Variants in RBFOX3 observed in about 807,000 individuals in gnomAD.
The protein encoded by RBFOX3 is RNA binding fox-1 homolog 3.
Under a neutral mutation model 48.7 loss-of-function variants are expected in RBFOX3, and 17 were observed. The ratio of observed to expected loss-of-function variants is 0.35; its 90% CI spans 0.24 to 0.52. The LOEUF (loss-of-function observed/expected upper bound fraction) is 0.52, where lower values mean the gene tolerates loss of function less well. Ranked by LOEUF, RBFOX3 falls within the 20% of genes least tolerant of loss-of-function variation. The pLI, the probability that RBFOX3 is intolerant of heterozygous loss-of-function variation, is 0.94. For missense variants in RBFOX3, 382 were observed against 497.5 expected (o/e 0.77, Z 2.21); for synonymous variants, 212 against 209.5 (o/e 1.01, Z -0.10).
Position 79,422,597 on chromosome 17 carries a change from C to A in RBFOX3, c.-175+59857G>T, listed in dbSNP as rs556106271. On this transcript the variant is annotated intron_variant, in intron 2 of 14. Coordinates refer to ENST00000693108, the MANE Select transcript of RBFOX3 (RefSeq NM_001350451.2). ...CTGGGCAAGGCCCAGGGTCCAGCAG[C>A]CTCAGGCTGGGCGGGGCCAGGCTGG... Among the ~76,000 whole-genome samples, 209 of 152,350 alleles carry A rather than the reference C, an allele frequency of 1.4e-3. 3 individuals are homozygous for A. The highest frequency in any genetic ancestry group is 4.8e-3 in the African/African-American group (200 of 41,576).
intron 4 of RBFOX3, among the ~76,000 whole-genome samples, chr17:79,122,423 T>C (rs2035999414): frequency 6.6e-6 from 1 of 152,182 alleles, no homozygotes; most frequent in South Asian, 2.1e-4. Context: ...AGCTGCCACC[T>C]AAGGAATTTG....
Position 79,364,906 on chromosome 17 carries a change from G to A in RBFOX3, c.-174-57082C>T, listed in dbSNP as rs2057502799. 1.3e-5 allele frequency among the ~76,000 whole-genome samples: 2 copies of A among 152,144 alleles called. No homozygotes were observed. Among genetic ancestry groups the A allele is most frequent in the Admixed American group, 1.3e-4 (2 of 15,280 alleles). Reference sequence around the variant, plus strand: ...AGTCAATGTGAGGCTGACTCCTGGTGCCCAGGGAGTGGCTGGGCAGGAGCC... The same window carrying A: ...AGTCAATGTGAGGCTGACTCCTGGTACCCAGGGAGTGGCTGGGCAGGAGCC... On this transcript the variant is annotated intron_variant, in intron 2 of 14. Coordinates refer to ENST00000693108, the MANE Select transcript of RBFOX3 (RefSeq NM_001350451.2). The surrounding 1 kb of genome is among the most constrained non-coding windows in gnomAD (Gnocchi z 5.1).
chr17:79,131,555 T>G (rs770947586), intron 4 of RBFOX3, among the ~76,000 whole-genome samples: 1 of 152,200 alleles, frequency 6.6e-6, no homozygotes, highest in Non-Finnish European at 1.5e-5. Context: ...TCACTCCAAC[T>G]CCAAACCTGG....
intron 2 of RBFOX3, among the ~76,000 whole-genome samples, chr17:79,448,217 G>T (rs979095991): frequency 6.6e-6 from 1 of 152,242 alleles, no homozygotes; most frequent in East Asian, 1.9e-4. Context: ...AGGGGGTGGG[G>T]GTGTGAGAGT....
intron 2 of RBFOX3, among the ~76,000 whole-genome samples, chr17:79,478,105 TC>T (rs1270732479): frequency 1.3e-5 from 2 of 152,168 alleles, no homozygotes; most frequent in Non-Finnish European, 2.9e-5. Flanking sequence ...CCACGCACGT[TC>T]CCACGGCTCA....
At chr17:79,590,514 C>CT (rs1356954137) in intron 1 of RBFOX3, among the ~76,000 whole-genome samples, 19 of 152,064 alleles carry the variant, frequency 1.2e-4, no homozygotes, top group African/African-American at 4.6e-4. Context: ...CCTTGGGTTG[C>CT]TTTTTTATTT....
In RBFOX3 at chr17:79,249,091, G is replaced by A. The variant is rs1005739187; in HGVS notation, c.-73-13286C>T. Among the ~76,000 whole-genome samples, 4 of 152,140 alleles carry A rather than the reference G, an allele frequency of 2.6e-5. No homozygotes were observed. The highest frequency in any genetic ancestry group is 4.4e-5 in the Non-Finnish European group (3 of 68,028). On this transcript the variant is annotated intron_variant, in intron 3 of 14. Coordinates refer to ENST00000693108, the MANE Select transcript of RBFOX3 (RefSeq NM_001350451.2). The surrounding 1 kb of genome is among the most constrained non-coding windows in gnomAD (Gnocchi z 4.1). ...TCCCCTGGGTCGGCAACGCCACCTC[G>A]CTTCCTGCAGCTGACAAAGGACTCC...
At chr17:79,545,394 A>C (rs1369143440) in intron 1 of RBFOX3, among the ~76,000 whole-genome samples, 1 of 152,182 alleles carries the variant, frequency 6.6e-6, no homozygotes, top group Non-Finnish European at 1.5e-5. Flanking sequence ...GAAGAAGAGA[A>C]AACAGCCTGG....
chr17:79,137,852 C>T (rs562090071), intron 4 of RBFOX3, among the ~76,000 whole-genome samples: 1 of 152,192 alleles, frequency 6.6e-6, no homozygotes, highest in Non-Finnish European at 1.5e-5. Flanking sequence ...AAAGCGGGGC[C>T]ATTTCCTCCC....
chr17:79,478,690 A>G (rs2078333149), intron 2 of RBFOX3, among the ~76,000 whole-genome samples: 2 of 152,156 alleles, frequency 1.3e-5, no homozygotes, highest in East Asian at 1.9e-4. Flanking sequence ...GGGTTGGAGG[A>G]GCAGATGACC....
intron 2 of RBFOX3, among the ~76,000 whole-genome samples, chr17:79,474,425 C>G (rs932867575): frequency 6.6e-6 from 1 of 152,182 alleles, no homozygotes; most frequent in Non-Finnish European, 1.5e-5. Context: ...TCCTGGAACA[C>G]GAGGACTAAC....
intron 4 of RBFOX3, among the ~76,000 whole-genome samples, chr17:79,116,888 C>G (rs1011312779): frequency 2.6e-5 from 4 of 152,270 alleles, no homozygotes; most frequent in Admixed American, 6.5e-5. Flanking sequence ...GCATCAGCAG[C>G]ACCTGGGAGC....
At chr17:79,295,463 G>C (rs1048302178) in intron 3 of RBFOX3, among the ~76,000 whole-genome samples, 1 of 152,182 alleles carries the variant, frequency 6.6e-6, no homozygotes, top group Non-Finnish European at 1.5e-5. Context: ...TCCACTTTGG[G>C]TGGGAGCCAG....
intron 4 of RBFOX3, among the ~76,000 whole-genome samples, chr17:79,144,943 G>C (rs2042714177): frequency 6.6e-6 from 1 of 152,226 alleles, no homozygotes; most frequent in South Asian, 2.1e-4. Context: ...GTCCAAAGGA[G>C]ACGAGCGCAC....
chr17:79,144,679 C>T (rs1313775949), intron 4 of RBFOX3, among the ~76,000 whole-genome samples: 1 of 152,194 alleles, frequency 6.6e-6, no homozygotes, highest in Non-Finnish European at 1.5e-5. Context: ...TGCCTATGTC[C>T]CCGAACGCCG....
the RBFOX3 span, among the ~76,000 whole-genome samples, chr17:79,654,884 T>C: frequency 0.028 from 4,300 of 152,306 alleles, 222 homozygotes; most frequent in African/African-American, 0.099. Context: ...AAATGCCTCC[T>C]GGCTGCTTCC....
chr17:79,528,853 C>G (rs1420212821), intron 1 of RBFOX3, among the ~76,000 whole-genome samples: 1 of 152,156 alleles, frequency 6.6e-6, no homozygotes, highest in Non-Finnish European at 1.5e-5. Flanking sequence ...GGGATGACCG[C>G]CCAGCAGCCC....
rs571830363 is a variant in RBFOX3 at position 79,329,124 on chromosome 17, A to G, written c.-174-21300T>C. 3.1e-4 allele frequency among the ~76,000 whole-genome samples: 47 copies of G among 152,266 alleles called. 1 individual carries two copies. The highest frequency in any genetic ancestry group is 1.1e-3 in the African/African-American group (46 of 41,552). On this transcript the variant is annotated intron_variant, in intron 2 of 14. Transcript: ENST00000693108. Reference sequence around the variant, plus strand: ...ACTAAATCCCAGCCCTGGCTCCCGCAGGGCCAGGCCTCTCCAGGGAACCAT... The same window carrying G: ...ACTAAATCCCAGCCCTGGCTCCCGCGGGGCCAGGCCTCTCCAGGGAACCAT...
At chr17:79,431,375 G>A (rs1442699681) in intron 2 of RBFOX3, among the ~76,000 whole-genome samples, 2 of 152,118 alleles carry the variant, frequency 1.3e-5, no homozygotes, top group African/African-American at 4.8e-5. Flanking sequence ...GTGCAACGAT[G>A]CAATCTTGGC....
Sources: gnomAD v4.1 joint callset for allele counts (sites outside exome capture counted in the v4.1 genomes callset) on GRCh38, gnomAD v4.1.1 for gene constraint, Gnocchi (gnomAD v3.1) non-coding constraint, MANE v1.5 for transcripts, NCBI Gene and HGNC (gene_info 2026-07-23, HGNC 2026-07-21) for gene names.